The following DCAF8L2 variants were observed in gnomAD, a reference collection of about 807,000 sequenced individuals.
DCAF8L2 encodes DDB1- and CUL4-associated factor 8-like protein 2.
For synonymous variants in DCAF8L2, 200 were observed against 190.9 expected, an observed-to-expected ratio of 1.05 and a Z score of -0.39; for missense variants, 430 against 490.7, an observed-to-expected ratio of 0.88 and a Z score of 1.17.
the DCAF8L2 span, among the ~76,000 whole-genome samples, chrX:27,512,204 G>A: frequency 9.0e-6 from 1 of 111,535 alleles, no homozygotes; most frequent in Non-Finnish European, 1.9e-5. Flanking sequence ...CCTGGAAGTT[G>A]AGGCTGCAGT....
the DCAF8L2 span, among the ~76,000 whole-genome samples, chrX:27,511,049 C>T: frequency 3.6e-5 from 4 of 110,634 alleles, no homozygotes; most frequent in Admixed American, 9.8e-5. Flanking sequence ...ACTAAAAAAC[C>T]CCAGATCTTG....
At chrX:27,532,926 A>C in the DCAF8L2 span, among the ~76,000 whole-genome samples, 1 of 103,231 alleles carries the variant, frequency 9.7e-6, no homozygotes, top group African/African-American at 3.5e-5. Context: ...AAATACAAAA[A>C]ATTAGCTGGG....
chrX:27,653,957 C>T (rs996824851), intron 2 of DCAF8L2, among the ~76,000 whole-genome samples: 1 of 111,548 alleles, frequency 9.0e-6, no homozygotes, highest in African/African-American at 3.3e-5. Flanking sequence ...AAATTATTAA[C>T]GTGCATAAAT....
intron 1 of DCAF8L2, among the ~76,000 whole-genome samples, chrX:27,596,676 A>C (rs221370): frequency 1.8e-5 from 2 of 109,912 alleles, no homozygotes; most frequent in African/African-American, 6.6e-5. Flanking sequence ...GAACTAATAC[A>C]TGAGAAGAAT....
chrX:27,688,070 T>C (rs1011465466), intron 3 of DCAF8L2, among the ~76,000 whole-genome samples: 12 of 111,525 alleles, frequency 1.1e-4, no homozygotes, highest in Non-Finnish European at 2.3e-4. Flanking sequence ...TAATTATTGT[T>C]TTTGAGTGGA....
At chrX:27,473,256 C>T in the DCAF8L2 span, among the ~76,000 whole-genome samples, 1 of 112,216 alleles carries the variant, frequency 8.9e-6, no homozygotes, top group Non-Finnish European at 1.9e-5. Flanking sequence ...TGCTTTCACA[C>T]ATATAAGCAA....
chrX:27,496,453 A>G, the DCAF8L2 span, among the ~76,000 whole-genome samples: 4 of 111,657 alleles, frequency 3.6e-5, no homozygotes, highest in African/African-American at 1.3e-4. Context: ...TTATACCTCT[A>G]TTGATGTGCC....
chrX:27,502,317 TAAA>T, the DCAF8L2 span, among the ~76,000 whole-genome samples: 75 of 13,952 alleles, frequency 5.4e-3, no homozygotes, highest in Non-Finnish European at 6.9e-3. Context: ...TGAAACTCTG[TAAA>T]AAAAAAAAAA....
intron 1 of DCAF8L2, among the ~76,000 whole-genome samples, chrX:27,628,300 T>C (rs1405561027): frequency 8.9e-6 from 1 of 111,907 alleles, no homozygotes; most frequent in Non-Finnish European, 1.9e-5. Context: ...CCACTAGATA[T>C]GTAAACCACA....
chrX:27,531,523 C>T, the DCAF8L2 span, among the ~76,000 whole-genome samples: 94 of 110,761 alleles, frequency 8.5e-4, 1 homozygote, highest in African/African-American at 2.8e-3. Flanking sequence ...ACTACACCAA[C>T]AATAAAAATT....
rs186149888 is a variant in DCAF8L2, at chrX:27,739,864, T to C, written c.-58-6974T>C. On this transcript the variant is annotated intron_variant, in intron 4 of 4. Transcript: ENST00000451261. Reference sequence around the variant, plus strand: ...ATAGCTTACATTTACACATCCGGATTCCTTCTCCTCCCTTCTTAATGTGAT... The same window carrying C: ...ATAGCTTACATTTACACATCCGGATCCCTTCTCCTCCCTTCTTAATGTGAT... Among the ~76,000 whole-genome samples the C allele has an allele frequency of 1.9e-4, 21 of 111,234 alleles. No homozygotes were observed. In the East Asian group the frequency reaches 6.0e-3, roughly 32 times the overall value.
intron 2 of DCAF8L2, among the ~76,000 whole-genome samples, chrX:27,634,957 T>TACACACACACACAC (rs571012816): frequency 2.4e-4 from 24 of 99,601 alleles, no homozygotes; most frequent in African/African-American, 8.0e-4. Flanking sequence ...ACCATGTATA[T>TACACACACACACAC]ACACACACAC....
At chrX:27,685,837 A>T (rs1218052394) in intron 3 of DCAF8L2, among the ~76,000 whole-genome samples, 2 of 112,087 alleles carry the variant, frequency 1.8e-5, no homozygotes, top group Admixed American at 9.5e-5. Context: ...TATCCATCTG[A>T]CAATGGATTA....
At chrX:27,652,374 T>C (rs771877202) in intron 2 of DCAF8L2, among the ~76,000 whole-genome samples, 23 of 111,554 alleles carry the variant, frequency 2.1e-4, no homozygotes, top group Non-Finnish European at 3.6e-4. Flanking sequence ...ACAAGAAAGA[T>C]TGACTAAACA....
At chrX:27,673,657 C>T (rs1329334526) in intron 2 of DCAF8L2, among the ~76,000 whole-genome samples, 4 of 108,043 alleles carry the variant, frequency 3.7e-5, no homozygotes, top group African/African-American at 1.0e-4. Flanking sequence ...CACATATATG[C>T]ATATATAATA....
At chrX:27,489,459 T>G in the DCAF8L2 span, among the ~76,000 whole-genome samples, 1 of 112,164 alleles carries the variant, frequency 8.9e-6, no homozygotes, top group African/African-American at 3.2e-5. Context: ...CGTTGACATT[T>G]TAACAATAGT....
intron 3 of DCAF8L2, among the ~76,000 whole-genome samples, chrX:27,711,626 T>C (rs950066009): frequency 2.7e-5 from 3 of 110,484 alleles, no homozygotes; most frequent in African/African-American, 9.8e-5. Flanking sequence ...TTTCAATGAA[T>C]AAAAATTAAA....
At chrX:27,504,175 G>A in the DCAF8L2 span, among the ~76,000 whole-genome samples, 2 of 112,217 alleles carry the variant, frequency 1.8e-5, no homozygotes, top group Non-Finnish European at 3.8e-5. Flanking sequence ...TAACCTAAAC[G>A]ATTTGGTTAT....
chrX:27,585,574 C>T (rs1925889405), upstream of DCAF8L2, among the ~76,000 whole-genome samples: 1 of 112,267 alleles, frequency 8.9e-6, no homozygotes, highest in Non-Finnish European at 1.9e-5. Flanking sequence ...TTTCCTGGGC[C>T]TCAAGCCCTG....
Sources: allele counts gnomAD v4.1 joint callset (sites outside exome capture counted in the v4.1 genomes callset), GRCh38; gene constraint gnomAD v4.1.1; transcripts MANE v1.5; gene names NCBI Gene and HGNC (gene_info 2026-07-23, HGNC 2026-07-21).